The following SHISA9 variants were observed in gnomAD, a reference collection of about 807,000 sequenced individuals.
The protein encoded by SHISA9 is shisa family member 9, also known as protein shisa-9.
In SHISA9, 13 loss-of-function variants were observed where a neutral mutation model predicts 38.0. The ratio of observed to expected loss-of-function variants is 0.34; its 90% CI spans 0.22 to 0.54. The LOEUF (loss-of-function observed/expected upper bound fraction) is 0.54, where lower values mean the gene tolerates loss of function less well. Ranked by LOEUF, SHISA9 falls within the 20% of genes least tolerant of loss-of-function variation. The pLI, the probability that SHISA9 is intolerant of heterozygous loss-of-function variation, is 0.91. For missense variants in SHISA9, 538 were observed against 575.8 expected (o/e 0.93, Z 0.67); for synonymous variants, 275 against 242.0 (o/e 1.14, Z -1.27).
chr16:13,150,651 G>T (rs1394510749), intron 2 of SHISA9, among the ~76,000 whole-genome samples: 1 of 152,164 alleles, frequency 6.6e-6, no homozygotes, highest in East Asian at 1.9e-4. Flanking sequence ...ATCAGAATAT[G>T]AATTTTTAAA....
At chr16:13,460,171 C>A in the SHISA9 span, among the ~76,000 whole-genome samples, 1 of 152,130 alleles carries the variant, frequency 6.6e-6, no homozygotes, top group Non-Finnish European at 1.5e-5. Flanking sequence ...GGATTCATGG[C>A]AAATACCAGA....
chr16:12,947,337 C>A (rs767869945), intron 2 of SHISA9, among the ~76,000 whole-genome samples: 6 of 152,194 alleles, frequency 3.9e-5, no homozygotes, highest in Non-Finnish European at 5.9e-5. Flanking sequence ...AAGAAATCCA[C>A]TTAAGGCTCA....
the SHISA9 span, among the ~76,000 whole-genome samples, chr16:13,512,384 C>A: frequency 6.6e-6 from 1 of 152,112 alleles, no homozygotes; most frequent in Admixed American, 6.6e-5. Context: ...GAAAACTATT[C>A]CACCCTCATA....
chr16:13,542,063 C>T, the SHISA9 span, among the ~76,000 whole-genome samples: 1 of 152,236 alleles, frequency 6.6e-6, no homozygotes, highest in African/African-American at 2.4e-5. Context: ...TAAAGACACA[C>T]ATGAAGAAGG....
chr16:13,308,560 A>G, the SHISA9 span, among the ~76,000 whole-genome samples: 2 of 152,192 alleles, frequency 1.3e-5, no homozygotes, highest in African/African-American at 4.8e-5. Flanking sequence ...AAGTATCCCA[A>G]TGACGGTAAT....
the SHISA9 span, among the ~76,000 whole-genome samples, chr16:13,517,739 C>T: frequency 1.3e-5 from 2 of 152,180 alleles, no homozygotes; most frequent in African/African-American, 4.8e-5. Flanking sequence ...CTCCCAGTTA[C>T]ATGGCAGGCT....
the SHISA9 span, among the ~76,000 whole-genome samples, chr16:13,513,084 G>A: frequency 5.6e-4 from 85 of 152,236 alleles, no homozygotes; most frequent in African/African-American, 1.8e-3. Flanking sequence ...CCTACAGAAT[G>A]GGAGAAATAT....
chr16:13,301,839 CT>C, the SHISA9 span, among the ~76,000 whole-genome samples: 38 of 152,274 alleles, frequency 2.5e-4, no homozygotes, highest in East Asian at 7.3e-3. Context: ...CAAACTTATT[CT>C]CTTTGAACGT....
chr16:13,353,825 C>G, the SHISA9 span, among the ~76,000 whole-genome samples: 1 of 151,942 alleles, frequency 6.6e-6, no homozygotes, highest in Non-Finnish European at 1.5e-5. Context: ...GACGGAGGAC[C>G]GTAAGGGATA....
the SHISA9 span, among the ~76,000 whole-genome samples, chr16:13,519,299 A>G: frequency 6.6e-6 from 1 of 152,210 alleles, no homozygotes; most frequent in African/African-American, 2.4e-5. Context: ...TCTTTTAATT[A>G]TTGTAGTTGA....
intron 2 of SHISA9, among the ~76,000 whole-genome samples, chr16:12,962,849 G>T (rs183951062): frequency 5.6e-4 from 85 of 152,316 alleles, no homozygotes; most frequent in African/African-American, 1.9e-3. Flanking sequence ...GGTGTATCTT[G>T]TTGGGCCTGA....
chr16:13,152,883 C>G (rs908315409), intron 2 of SHISA9, among the ~76,000 whole-genome samples: 17 of 152,154 alleles, frequency 1.1e-4, no homozygotes, highest in Non-Finnish European at 1.0e-4. Flanking sequence ...ATTAAAGTTG[C>G]TAATCAGTTG....
chr16:13,152,236 A>G (rs2050505925), intron 2 of SHISA9, among the ~76,000 whole-genome samples: 1 of 152,092 alleles, frequency 6.6e-6, no homozygotes, highest in Admixed American at 6.5e-5. Flanking sequence ...TATTTCAGAC[A>G]CTTTTTTTTC....
the SHISA9 span, among the ~76,000 whole-genome samples, chr16:13,260,294 G>A: frequency 6.6e-6 from 1 of 152,100 alleles, no homozygotes; most frequent in East Asian, 1.9e-4. Flanking sequence ...GGGATTACAG[G>A]CATGAGCCAC....
chr16:13,344,078 T>C, the SHISA9 span, among the ~76,000 whole-genome samples: 5 of 152,306 alleles, frequency 3.3e-5, no homozygotes, highest in East Asian at 9.7e-4. Flanking sequence ...CATGACGGTC[T>C]GTTGGCAGAG....
At chr16:12,970,497 ATTTTTTTTTTTTT>A (rs146879130) in intron 2 of SHISA9, among the ~76,000 whole-genome samples, 4 of 17,584 alleles carry the variant, frequency 2.3e-4, no homozygotes, top group African/African-American at 4.9e-4. Flanking sequence ...ATATATATAT[ATTTTTTTTTTTTT>A]TTTTTTTTTT....
chr16:13,123,051 A>C (rs902767380), intron 2 of SHISA9, among the ~76,000 whole-genome samples: 1 of 152,190 alleles, frequency 6.6e-6, no homozygotes, highest in East Asian at 1.9e-4. Flanking sequence ...CATCTCAAAA[A>C]AGATATTATT....
the SHISA9 span, among the ~76,000 whole-genome samples, chr16:13,414,788 C>T: frequency 4.6e-5 from 7 of 151,804 alleles, 1 homozygote; most frequent in South Asian, 6.2e-4. Context: ...TGCGCCACCA[C>T]GTCTGGCTAA....
chr16:13,303,673 G>A, the SHISA9 span, among the ~76,000 whole-genome samples: 3 of 152,180 alleles, frequency 2.0e-5, no homozygotes, highest in Non-Finnish European at 4.4e-5. Flanking sequence ...CTATACAGAG[G>A]TGGTGGCTGT....
Sources: gnomAD v4.1 joint callset for allele counts (sites outside exome capture counted in the v4.1 genomes callset) on GRCh38, gnomAD v4.1.1 for gene constraint, MANE v1.5 for transcripts, NCBI Gene and HGNC (gene_info 2026-07-23, HGNC 2026-07-21) for gene names.